The following C6orf89 variants were observed in gnomAD, a reference collection of about 807,000 sequenced individuals.
C6orf89 encodes bombesin receptor-activated protein C6orf89.
In C6orf89, 29 loss-of-function variants were observed where a neutral mutation model predicts 40.7. The observed-to-expected ratio is 0.71, with a 90% CI of 0.53 to 0.97. The LOEUF (loss-of-function observed/expected upper bound fraction) is 0.97. C6orf89 is among the 50% of genes least tolerant of loss of function. The probability of loss-of-function intolerance (pLI) is 0.00; values close to 1 mark genes in which losing one functional copy is unlikely to be tolerated. For missense variants in C6orf89, 392 were observed against 429.1 expected (o/e 0.91, Z 0.76); for synonymous variants, 165 against 152.2 (o/e 1.08, Z -0.62).
intron 4 of C6orf89, among the ~76,000 whole-genome samples, chr6:36,911,943 G>T (rs1321999544): frequency 2.3e-5 from 1 of 44,044 alleles, no homozygotes; most frequent in Admixed American, 2.2e-4. Flanking sequence ...CCCCCCCCCC[G>T]ACCTTTTCCC....
intron 4 of C6orf89, among the ~76,000 whole-genome samples, chr6:36,905,055 C>T (rs114889387): frequency 2.0e-5 from 3 of 152,278 alleles, no homozygotes; most frequent in South Asian, 2.1e-4. Context: ...GGAAACATCC[C>T]GCTCTGCAGC....
upstream of C6orf89, among the ~76,000 whole-genome samples, chr6:36,883,953 C>A (rs1288696052): frequency 2.6e-5 from 4 of 152,142 alleles, no homozygotes; most frequent in Non-Finnish European, 5.9e-5. Context: ...TGGAGAAATA[C>A]AGCAAATGTA....
Position 36,899,570 on chromosome 6 carries a change from G to A in C6orf89, c.126G>A (p.Leu42=). ...CAATTGAAAAATTTATCAGACAGCT[G>A]CTGGAAAAGAATGAACCTCAGAGAC... The part of the protein sequence containing the change: ...EKAIEKFIRQ[L]LEKNEPQRPP... Residue 42 remains leucine (L), a synonymous_variant, in exon 3 of 9, where the codon CTG becomes CTA. Transcript: ENST00000480824. The A allele has an allele frequency of 6.2e-7, 1 of 1,614,086 alleles. No individual in the cohort carries two copies. Among genetic ancestry groups the A allele is most frequent in the Non-Finnish European group, 8.5e-7 (1 of 1,180,034 alleles).
rs1200033362 is a variant in C6orf89, at chr6:36,910,044, A to G, written c.404-4240A>G. On this transcript the variant is annotated intron_variant, in intron 4 of 8. Transcript: ENST00000480824. Reference sequence around the variant, plus strand: ...TGCCAAGGGATTGACTAATTTATCTAAAGTCTCACATTTACAGACACATTT... The same window carrying G: ...TGCCAAGGGATTGACTAATTTATCTGAAGTCTCACATTTACAGACACATTT... Among the ~76,000 whole-genome samples, 4 of 152,122 alleles carry G rather than the reference A, an allele frequency of 2.6e-5. No homozygotes were observed. In the East Asian group the frequency reaches 5.8e-4, roughly 22 times the overall value.
chr6:36,908,209 T>C (rs1334313757), intron 4 of C6orf89, among the ~76,000 whole-genome samples: 2 of 152,228 alleles, frequency 1.3e-5, no homozygotes, highest in African/African-American at 4.8e-5. Flanking sequence ...GTGGATGGCA[T>C]AGGCTACCCC....
exon 2 of C6orf89, chr6:36,879,016 AG>A (rs1300339403): frequency 6.6e-6 from 1 of 152,426 alleles, no homozygotes; most frequent in Non-Finnish European, 1.5e-5. Flanking sequence ...AGATGGTGTC[AG>A]GAATGGGATC....
chr6:36,915,859 T>C (rs1762296594), intron 6 of C6orf89, among the ~76,000 whole-genome samples: 1 of 152,226 alleles, frequency 6.6e-6, no homozygotes, highest in Non-Finnish European at 1.5e-5. Flanking sequence ...GGTTCATTCC[T>C]TGTGGTTAAG....
upstream of C6orf89, chr6:36,883,075 T>C (rs1774869568): frequency 6.6e-6 from 1 of 152,236 alleles, no homozygotes; most frequent in South Asian, 2.1e-4. Flanking sequence ...TCTGGTTGTA[T>C]AAAAGCTTTC....
rs1177445077 is a variant in C6orf89, at chr6:36,874,594, G to A, written c.-628+2627G>A. ...CAACCCTCTGGGGGCCGTCTCGGCCGCTGCTCCACGCCCCTCCACGTGGAG... is the reference window on the plus strand; with the variant it reads ...CAACCCTCTGGGGGCCGTCTCGGCCACTGCTCCACGCCCCTCCACGTGGAG... On this transcript the variant is annotated intron_variant, in intron 1 of 9. Transcript: ENST00000359359. 9.8e-6 allele frequency: 13 copies of A among 1,325,976 alleles called. No homozygotes were observed. The African/African-American group carries it at 1.8e-4, about 18-fold the overall frequency. 82.1% of individuals were successfully genotyped at this position (1,325,976 alleles called of 1,614,324 possible).
chr6:36,897,129 CAAAAAAA>C (rs34191608), intron 2 of C6orf89, among the ~76,000 whole-genome samples: 1 of 85,364 alleles, frequency 1.2e-5, no homozygotes, highest in East Asian at 3.3e-4. Context: ...GACTCTGTCT[CAAAAAAA>C]AAAAAAAAAA....
rs145274435 is a variant in C6orf89 at position 36,924,040 on chromosome 6, G to A, written c.*599G>A. The A allele has an allele frequency of 2.2e-3, 370 of 165,250 alleles. 1 individual carries two copies. The highest frequency in any genetic ancestry group is 8.5e-3 in the African/African-American group (355 of 41,768). The allele number at this position is 165,250 out of a possible 1,614,324, so 10.2% of individuals were successfully genotyped here. ...ATTGTCCGTGGCTCTTGGAGTCTCC[G>A]TGATGCCAGGCTAGAGTCTGATTAT... On this transcript the variant is annotated 3_prime_UTR_variant, in exon 9 of 9. Transcript: ENST00000480824.
intron 8 of C6orf89, 81 bp downstream of exon 8, chr6:36,919,782 C>A: frequency 2.1e-6 from 3 of 1,409,752 alleles, no homozygotes; most frequent in Admixed American, 2.4e-5. Context: ...TCACATACTG[C>A]CTTCACAAAA....
upstream of C6orf89, chr6:36,885,880 G>A (rs766964691): frequency 1.6e-6 from 1 of 615,878 alleles, no homozygotes; most frequent in Non-Finnish European, 2.3e-6. Flanking sequence ...CTGGACGAGA[G>A]GAGGAATTAC....
intron 8 of C6orf89, among the ~76,000 whole-genome samples, chr6:36,922,965 A>G (rs940293533): frequency 6.6e-6 from 1 of 152,194 alleles, no homozygotes; most frequent in African/African-American, 2.4e-5. Context: ...AGGGGTGGTG[A>G]TAAAGCATTT....
chr6:36,911,943 G>A (rs1321999544), intron 4 of C6orf89, among the ~76,000 whole-genome samples: 1 of 44,042 alleles, frequency 2.3e-5, no homozygotes, highest in Non-Finnish European at 5.6e-5. Flanking sequence ...CCCCCCCCCC[G>A]ACCTTTTCCC....
intron 4 of C6orf89, among the ~76,000 whole-genome samples, chr6:36,903,660 C>T (rs1033334402): frequency 1.3e-5 from 2 of 151,990 alleles, no homozygotes; most frequent in Admixed American, 6.6e-5. Context: ...AGGGTTTCAC[C>T]GTGTTAGCCA....
At chr6:36,911,027 A>C (rs1487771606) in intron 4 of C6orf89, among the ~76,000 whole-genome samples, 1 of 152,136 alleles carries the variant, frequency 6.6e-6, no homozygotes, top group Admixed American at 6.5e-5. Context: ...TCTAACTTTC[A>C]GTTCCCTCAA....
At chr6:36,911,306 A>G (rs1015705944) in intron 4 of C6orf89, among the ~76,000 whole-genome samples, 10 of 152,176 alleles carry the variant, frequency 6.6e-5, no homozygotes, top group African/African-American at 2.2e-4. Context: ...CCTGGCCAAC[A>G]TGGTGAAACC....
chr6:36,922,582 G>A (rs1454412461), intron 8 of C6orf89, among the ~76,000 whole-genome samples: 2 of 152,130 alleles, frequency 1.3e-5, no homozygotes, highest in African/African-American at 4.8e-5. Flanking sequence ...GTCGACTTTG[G>A]GAAATGCCTG....
Sources: gnomAD v4.1 joint callset for allele counts (sites outside exome capture counted in the v4.1 genomes callset) on GRCh38, gnomAD v4.1.1 for gene constraint, MANE v1.5 for transcripts, NCBI Gene and HGNC (gene_info 2026-07-23, HGNC 2026-07-21) for gene names.